The following HDX variants were observed in gnomAD, a reference collection of about 807,000 sequenced individuals.
HDX encodes highly divergent homeobox, also known as chromosome X open reading frame 43.
HDX carries 19 observed loss-of-function variants against 45.2 expected under a neutral mutation model. The ratio of observed to expected loss-of-function variants is 0.42; its 90% CI spans 0.29 to 0.62. The LOEUF is 0.62. Among genes scored for constraint, HDX ranks in the 20% least tolerant of loss-of-function variants. HDX has a pLI of 0.20. For missense variants in HDX, 532 were observed against 493.9 expected, an observed-to-expected ratio of 1.08 and a Z score of -0.73; for synonymous variants, 188 against 172.8, an observed-to-expected ratio of 1.09 and a Z score of -0.69.
intron 4 of HDX, among the ~76,000 whole-genome samples, chrX:84,448,023 G>A (rs765229538): frequency 3.6e-5 from 4 of 111,645 alleles, no homozygotes; most frequent in Non-Finnish European, 7.5e-5. Context: ...GCCTACCACA[G>A]CCAGTGCCTG....
intron 5 of HDX, among the ~76,000 whole-genome samples, chrX:84,418,538 T>A (rs2039168888): frequency 9.0e-6 from 1 of 111,151 alleles, no homozygotes; most frequent in South Asian, 3.8e-4. Flanking sequence ...GTAAGAGAAC[T>A]AAAAATTTCA....
chrX:84,447,163 G>A (rs1010628044), intron 4 of HDX, among the ~76,000 whole-genome samples: 2 of 111,893 alleles, frequency 1.8e-5, no homozygotes, highest in Non-Finnish European at 1.9e-5. Flanking sequence ...AATGACACTA[G>A]AAAATCTAGA....
At chrX:84,353,675 G>A (rs1180707211) in intron 6 of HDX, among the ~76,000 whole-genome samples, 1 of 111,400 alleles carries the variant, frequency 9.0e-6, no homozygotes, top group Non-Finnish European at 1.9e-5. Flanking sequence ...ATTATTTCTA[G>A]GTGTGTCCCT....
chrX:84,475,596 T>G (rs1178221728), intron 2 of HDX, among the ~76,000 whole-genome samples, 199 bp from the exon 3 acceptor site: 1 of 111,948 alleles, frequency 8.9e-6, no homozygotes, highest in Non-Finnish European at 1.9e-5. Flanking sequence ...GTGCAAACAC[T>G]TATTGAATTT....
chrX:84,446,782 T>C (rs1300786733), intron 4 of HDX, among the ~76,000 whole-genome samples: 2 of 112,052 alleles, frequency 1.8e-5, no homozygotes, highest in Non-Finnish European at 3.8e-5. Context: ...ACATTCAAAA[T>C]AGTAGGAGAT....
At chrX:84,493,151 TA>T (rs2040927849) in intron 1 of HDX, among the ~76,000 whole-genome samples, 1 of 111,747 alleles carries the variant, frequency 8.9e-6, no homozygotes, top group African/African-American at 3.3e-5. Flanking sequence ...ACCAAGTTTT[TA>T]GATATTGTAA....
chrX:84,336,708 A>G (rs191085620), intron 8 of HDX, 93 bp downstream of exon 8: 259 of 613,796 alleles, frequency 4.2e-4, no homozygotes, highest in Middle Eastern at 6.5e-4. Flanking sequence ...GTGGAGCAAG[A>G]CTTTATTCTG....
rs762111135 is a variant in HDX at position 84,329,296 on chromosome X, G to A, written c.1825-2996C>T. Among the ~76,000 whole-genome samples the A allele has an allele frequency of 6.3e-5, 7 of 111,765 alleles. No individual in the cohort carries two copies. The South Asian group carries it at 1.5e-3, about 24-fold the overall frequency. ...CTTTGAAATGCCTTTGGCCAAGAGG[G>A]GGGGTTCATTCAGATGGTTGAGGGT... On this transcript the variant is annotated intron_variant, in intron 9 of 10. Coordinates refer to ENST00000373177, the MANE Select transcript of HDX (RefSeq NM_001177479.2).
chrX:84,479,000 T>G (rs2040613014), intron 2 of HDX, among the ~76,000 whole-genome samples: 1 of 112,439 alleles, frequency 8.9e-6, no homozygotes, highest in Non-Finnish European at 1.9e-5. Flanking sequence ...TGAGCCAAGT[T>G]AAACATAACA....
At chrX:84,378,338 C>T (rs1241330464) in intron 5 of HDX, among the ~76,000 whole-genome samples, 1 of 111,347 alleles carries the variant, frequency 9.0e-6, no homozygotes, top group African/African-American at 3.3e-5. Flanking sequence ...AGTAAGTACA[C>T]AGAAAAACAC....
intron 6 of HDX, among the ~76,000 whole-genome samples, chrX:84,356,095 A>AC (rs1569291746): frequency 9.0e-6 from 1 of 111,489 alleles, no homozygotes; most frequent in East Asian, 2.8e-4. Flanking sequence ...ATTAAAAAAA[A>AC]ATCTGAAACT....
intron 5 of HDX, among the ~76,000 whole-genome samples, chrX:84,421,903 A>G (rs978921544): frequency 9.0e-6 from 1 of 111,240 alleles, no homozygotes; most frequent in Non-Finnish European, 1.9e-5. Flanking sequence ...GCACCCACAT[A>G]TATAAAGCAA....
intron 2 of HDX, among the ~76,000 whole-genome samples, chrX:84,480,556 T>C (rs1347117839): frequency 9.0e-6 from 1 of 111,254 alleles, no homozygotes; most frequent in Non-Finnish European, 1.9e-5. Context: ...TTCTTATTAT[T>C]ATTATTGTTA....
At chrX:84,420,121 A>C (rs867070460) in intron 5 of HDX, among the ~76,000 whole-genome samples, 28 of 112,066 alleles carry the variant, frequency 2.5e-4, no homozygotes, top group African/African-American at 8.4e-4. Flanking sequence ...AATACCACCC[A>C]GGAAACATAA....
intron 5 of HDX, among the ~76,000 whole-genome samples, chrX:84,397,178 T>A (rs2038586582): frequency 8.9e-6 from 1 of 112,154 alleles, no homozygotes; most frequent in Non-Finnish European, 1.9e-5. Flanking sequence ...CTGGAGGCAG[T>A]GGAGTCACTG....
At chrX:84,364,565 A>G (rs1165345463) in intron 5 of HDX, among the ~76,000 whole-genome samples, 1 of 91,253 alleles carries the variant, frequency 1.1e-5, no homozygotes, top group Non-Finnish European at 2.1e-5. Flanking sequence ...GCAGTGGTAC[A>G]ATCTTGGCTC....
intron 5 of HDX, among the ~76,000 whole-genome samples, chrX:84,410,079 A>AAT (rs1849866885): frequency 9.4e-6 from 1 of 105,900 alleles, no homozygotes; most frequent in Non-Finnish European, 1.9e-5. Flanking sequence ...AAAAAAAAAA[A>AAT]AAAGAATCAT....
chrX:84,478,956 G>C (rs185738286), intron 2 of HDX, among the ~76,000 whole-genome samples: 37 of 112,027 alleles, frequency 3.3e-4, no homozygotes, highest in African/African-American at 1.1e-3. Flanking sequence ...ATGTGCATTT[G>C]GAAAAGCCAT....
rs987585142 is a variant in HDX at position 84,318,327 on chromosome X, A to T, written c.*3562T>A. ...AAATCTACCCATTTACCTAACATTT[A>T]GATACAGTGGTACTGATAACTCCCT... On this transcript the variant is annotated 3_prime_UTR_variant, in exon 11 of 11. Coordinates refer to ENST00000373177, the MANE Select transcript of HDX (RefSeq NM_001177479.2). 5 of 110,723 alleles carry T rather than the reference A, an allele frequency of 4.5e-5. No homozygotes were observed. Among genetic ancestry groups the T allele is most frequent in the Non-Finnish European group, 9.5e-5 (5 of 52,507 alleles). 9.1% of individuals were successfully genotyped at this position (110,723 alleles called of 1,213,427 possible). A position where few individuals can be genotyped will look rare whatever the true frequency, so the allele number is the denominator to read the frequency against.
Sources: allele counts gnomAD v4.1 joint callset (sites outside exome capture counted in the v4.1 genomes callset), GRCh38; gene constraint gnomAD v4.1.1; transcripts MANE v1.5; gene names NCBI Gene and HGNC (gene_info 2026-07-23, HGNC 2026-07-21).